FHIP1A: variants seen among roughly 807,000 people sequenced by gnomAD.
FHIP1A encodes the protein FHF complex subunit HOOK-interacting protein 1A.
In FHIP1A, 61 loss-of-function variants were observed where a neutral mutation model predicts 88.6. That is an observed-to-expected ratio of 0.69 (90% CI 0.56 to 0.85). The LOEUF is 0.85. Among genes scored for constraint, FHIP1A ranks in the 40% least tolerant of loss-of-function variants. The pLI, the probability that FHIP1A is intolerant of heterozygous loss-of-function variation, is 0.00. For missense variants in FHIP1A, 1,154 were observed against 1,273.5 expected, an observed-to-expected ratio of 0.91 and a Z score of 1.43; for synonymous variants, 478 against 496.0, an observed-to-expected ratio of 0.96 and a Z score of 0.48.
At chr4:151,450,959 A>G (rs1317830101) in intron 1 of FHIP1A, among the ~76,000 whole-genome samples, 1 of 151,660 alleles carries the variant, frequency 6.6e-6, no homozygotes, top group Non-Finnish European at 1.5e-5. Flanking sequence ...TGTATTTTTA[A>G]TAGAGATCGT....
chr4:151,551,501 A>T (rs1205505373), intron 3 of FHIP1A, among the ~76,000 whole-genome samples: 1 of 152,208 alleles, frequency 6.6e-6, no homozygotes, highest in Admixed American at 6.5e-5. Context: ...GACCAATGGA[A>T]TAGAACAGAA....
At position 151,656,729 on chromosome 4, in the gene FHIP1A, G is replaced by A. The variant is rs1175920149; in HGVS notation, c.2731-31G>A. ...ACTGGGAGTGGAATTTCATGGTGAG[G>A]CATTAACATCAGTAATGCTGTTTTT... is the stretch of plus-strand genomic sequence containing the variant. On this transcript the variant is annotated intron_variant, in intron 12 of 13. Coordinates refer to ENST00000435205, the MANE Select transcript of FHIP1A (RefSeq NM_001109977.3). The surrounding 1 kb of genome is among the most constrained non-coding windows in gnomAD (Gnocchi z 4.2). The A allele has an allele frequency of 6.5e-7, 1 of 1,538,802 alleles. No individual in the cohort carries two copies.
chr4:151,595,592 G>A (rs1181357947), intron 7 of FHIP1A, among the ~76,000 whole-genome samples: 1 of 152,106 alleles, frequency 6.6e-6, no homozygotes, highest in Non-Finnish European at 1.5e-5. Flanking sequence ...TTAATTTTCT[G>A]TCTCATTGAT....
chr4:151,516,961 C>T (rs1409578297), intron 3 of FHIP1A, among the ~76,000 whole-genome samples: 1 of 152,070 alleles, frequency 6.6e-6, no homozygotes, highest in Non-Finnish European at 1.5e-5. Context: ...GGTATATACC[C>T]AAAGGACTAT....
At chr4:151,630,356 C>T (rs775599195) in intron 8 of FHIP1A, among the ~76,000 whole-genome samples, 2 of 152,140 alleles carry the variant, frequency 1.3e-5, no homozygotes, top group Non-Finnish European at 2.9e-5. Flanking sequence ...TTGAAAAATA[C>T]TCCTCCCCAA....
intron 1 of FHIP1A, among the ~76,000 whole-genome samples, chr4:151,428,945 G>A (rs1663659395): frequency 6.6e-6 from 1 of 152,132 alleles, no homozygotes; most frequent in Non-Finnish European, 1.5e-5. Flanking sequence ...TACCCTAGTT[G>A]GGTCTCACTA....
chr4:151,441,096 C>A (rs939786996), intron 1 of FHIP1A, among the ~76,000 whole-genome samples: 4 of 152,118 alleles, frequency 2.6e-5, no homozygotes, highest in South Asian at 2.1e-4. Context: ...CACTATTATT[C>A]TTAAATATTT....
chr4:151,509,412 G>A (rs370383736), intron 3 of FHIP1A, among the ~76,000 whole-genome samples: 135 of 152,104 alleles, frequency 8.9e-4, no homozygotes, highest in African/African-American at 3.0e-3. Context: ...TGATCCGCCC[G>A]CCTCAGCCTC....
intron 3 of FHIP1A, among the ~76,000 whole-genome samples, chr4:151,554,800 C>G (rs1257346221): frequency 6.6e-6 from 1 of 152,084 alleles, no homozygotes; most frequent in African/African-American, 2.4e-5. Flanking sequence ...ACTTTTGCAA[C>G]CATTTACTAA....
intron 3 of FHIP1A, among the ~76,000 whole-genome samples, chr4:151,563,322 T>C (rs1733246291): frequency 6.6e-6 from 1 of 152,078 alleles, no homozygotes; most frequent in African/African-American, 2.4e-5. Flanking sequence ...GTTTTTTTTG[T>C]GTTGGTGGTT....
chr4:151,496,585 A>G (rs970832364), intron 3 of FHIP1A, among the ~76,000 whole-genome samples: 4 of 152,104 alleles, frequency 2.6e-5, no homozygotes, highest in South Asian at 2.1e-4. Context: ...GTCTCACTCT[A>G]TCACTCAGGC....
intron 4 of FHIP1A, among the ~76,000 whole-genome samples, chr4:151,569,722 A>C (rs1472918480): frequency 1.3e-5 from 2 of 152,146 alleles, no homozygotes; most frequent in African/African-American, 4.8e-5. Flanking sequence ...GCAAACATTG[A>C]TGGAGGAGAT....
intron 3 of FHIP1A, among the ~76,000 whole-genome samples, chr4:151,497,502 A>G (rs1205999165): frequency 1.3e-5 from 2 of 152,132 alleles, no homozygotes; most frequent in Admixed American, 6.5e-5. Context: ...TAAAATATTT[A>G]CTCTCTGGCC....
chr4:151,649,399 C>T (rs1041546407), intron 10 of FHIP1A, 60 bp from the exon 11 acceptor site: 11 of 1,281,128 alleles, frequency 8.6e-6, no homozygotes, highest in Non-Finnish European at 1.1e-5. Context: ...GTCACAACCC[C>T]ATCCACTACC....
intron 1 of FHIP1A, among the ~76,000 whole-genome samples, chr4:151,429,088 T>TAACA (rs1466848093): frequency 6.6e-6 from 1 of 151,292 alleles, no homozygotes; most frequent in Non-Finnish European, 1.5e-5. Context: ...TGTTTTGTTT[T>TAACA]GTTCATAGTG....
chr4:151,437,257 A>G (rs1427926354), intron 1 of FHIP1A, among the ~76,000 whole-genome samples: 1 of 152,110 alleles, frequency 6.6e-6, no homozygotes, highest in Non-Finnish European at 1.5e-5. Flanking sequence ...ATATGTATAT[A>G]GTATGCCAGT....
At chr4:151,477,139 G>A (rs190291202) in intron 2 of FHIP1A, among the ~76,000 whole-genome samples, 29 of 152,194 alleles carry the variant, frequency 1.9e-4, no homozygotes, top group African/African-American at 6.7e-4. Context: ...ATTTGGAAAA[G>A]TAAACAACCA....
chr4:151,636,215 A>G (rs532419474), intron 8 of FHIP1A, among the ~76,000 whole-genome samples: 12 of 152,154 alleles, frequency 7.9e-5, no homozygotes, highest in African/African-American at 2.9e-4. Flanking sequence ...GATAAAGGAA[A>G]ACATCATGAT....
At chr4:151,552,825 TAAAAAA>T (rs201295653) in intron 3 of FHIP1A, among the ~76,000 whole-genome samples, 2 of 139,706 alleles carry the variant, frequency 1.4e-5, no homozygotes, top group African/African-American at 5.3e-5. Flanking sequence ...AAAGTATAAT[TAAAAAA>T]AAAAAAAGAA....
Sources: allele counts gnomAD v4.1 joint callset (sites outside exome capture counted in the v4.1 genomes callset), GRCh38; gene constraint gnomAD v4.1.1; non-coding constraint Gnocchi (gnomAD v3.1); transcripts MANE v1.5; gene names NCBI Gene and HGNC (gene_info 2026-07-23, HGNC 2026-07-21).